AKAP19: variants seen among roughly 807,000 people sequenced by gnomAD.
The protein encoded by AKAP19 is A-kinase anchoring protein 19, also known as small A-kinase anchoring protein.
At chr2:189,958,041 G>A in the AKAP19 span, among the ~76,000 whole-genome samples, 2 of 152,060 alleles carry the variant, frequency 1.3e-5, no homozygotes, top group African/African-American at 2.4e-5. Flanking sequence ...TAATCCACTC[G>A]CCTCAGCCTC....
At chr2:190,040,716 G>A in the AKAP19 span, among the ~76,000 whole-genome samples, 3 of 152,100 alleles carry the variant, frequency 2.0e-5, no homozygotes, top group Non-Finnish European at 2.9e-5. Flanking sequence ...TAAGGAAGGG[G>A]TTCAGCTTCA....
the AKAP19 span, among the ~76,000 whole-genome samples, chr2:190,156,298 G>A: frequency 4.6e-5 from 7 of 152,108 alleles, no homozygotes; most frequent in African/African-American, 1.7e-4. Flanking sequence ...ATTGAGATAA[G>A]TTCCAGATTG....
At chr2:190,156,372 C>A in the AKAP19 span, among the ~76,000 whole-genome samples, 105 of 152,066 alleles carry the variant, frequency 6.9e-4, 1 homozygote, top group African/African-American at 2.4e-3. Context: ...TGTTGATTAA[C>A]CAAGATAGGA....
chr2:189,953,859 C>CTGCA, the AKAP19 span, among the ~76,000 whole-genome samples: 2 of 152,136 alleles, frequency 1.3e-5, no homozygotes, highest in African/African-American at 4.8e-5. Flanking sequence ...TGGAGTCCAC[C>CTGCA]TCTTAACCAC....
the AKAP19 span, among the ~76,000 whole-genome samples, chr2:190,195,940 G>GTT: frequency 2.9e-5 from 1 of 34,362 alleles, no homozygotes; most frequent in African/African-American, 6.4e-5. Context: ...ACTGTGTCCA[G>GTT]CTTTTTTTTT....
At chr2:190,009,953 G>A in the AKAP19 span, among the ~76,000 whole-genome samples, 4 of 152,118 alleles carry the variant, frequency 2.6e-5, no homozygotes, top group Non-Finnish European at 5.9e-5. Flanking sequence ...AAAAGTTGCT[G>A]TTGCAAAAAA....
the AKAP19 span, among the ~76,000 whole-genome samples, chr2:189,890,933 T>G: frequency 6.6e-6 from 1 of 152,234 alleles, no homozygotes; most frequent in Non-Finnish European, 1.5e-5. Flanking sequence ...GTTAATATTA[T>G]GTGTGAATTT....
chr2:190,173,124 A>T, the AKAP19 span, among the ~76,000 whole-genome samples: 1 of 151,822 alleles, frequency 6.6e-6, no homozygotes, highest in East Asian at 1.9e-4. Flanking sequence ...CAAAAAAAAT[A>T]AAATAAAATA....
At chr2:190,141,448 A>G in the AKAP19 span, among the ~76,000 whole-genome samples, 5 of 152,212 alleles carry the variant, frequency 3.3e-5, no homozygotes, top group African/African-American at 4.8e-5. Flanking sequence ...ACAATTCTGC[A>G]GGGCTGGGGA....
chr2:189,997,563 G>A, the AKAP19 span, among the ~76,000 whole-genome samples: 1 of 152,138 alleles, frequency 6.6e-6, no homozygotes, highest in Non-Finnish European at 1.5e-5. Context: ...AGCCAGTAGT[G>A]ATAGGCCTCA....
At chr2:190,059,323 A>G in the AKAP19 span, among the ~76,000 whole-genome samples, 1 of 151,950 alleles carries the variant, frequency 6.6e-6, no homozygotes, top group African/African-American at 2.4e-5. Context: ...GTGATATATA[A>G]GGTATTGTCA....
chr2:190,147,981 A>G, the AKAP19 span, among the ~76,000 whole-genome samples: 2 of 152,144 alleles, frequency 1.3e-5, no homozygotes, highest in South Asian at 2.1e-4. Context: ...CTCTTTACCA[A>G]CGTGGATGCC....
the AKAP19 span, among the ~76,000 whole-genome samples, chr2:189,992,201 A>AC: frequency 0.05 from 7,560 of 151,428 alleles, 284 homozygotes; most frequent in Non-Finnish European, 0.068. Flanking sequence ...GATTACAGGC[A>AC]CCCCCCACCA....
chr2:189,926,799 G>T, the AKAP19 span, among the ~76,000 whole-genome samples: 1 of 151,660 alleles, frequency 6.6e-6, no homozygotes, highest in Non-Finnish European at 1.5e-5. Context: ...TAGCCAGGAT[G>T]GTCTCGATTT....
the AKAP19 span, among the ~76,000 whole-genome samples, chr2:189,952,114 A>C: frequency 6.6e-6 from 1 of 152,078 alleles, no homozygotes; most frequent in East Asian, 1.9e-4. Flanking sequence ...ACAATTTATC[A>C]TTCTTTGTTT....
At chr2:190,145,072 C>A in the AKAP19 span, among the ~76,000 whole-genome samples, 2 of 152,118 alleles carry the variant, frequency 1.3e-5, no homozygotes, top group African/African-American at 4.8e-5. Flanking sequence ...ATTGCTTGAG[C>A]CCAGGAGTTC....
the AKAP19 span, among the ~76,000 whole-genome samples, chr2:189,995,792 T>C: frequency 6.6e-6 from 1 of 152,170 alleles, no homozygotes; most frequent in Non-Finnish European, 1.5e-5. Flanking sequence ...AGAACTCCTT[T>C]TAGCATTTCT....
At chr2:189,900,178 C>T in the AKAP19 span, among the ~76,000 whole-genome samples, 42 of 151,974 alleles carry the variant, frequency 2.8e-4, no homozygotes, top group African/African-American at 9.9e-4. Context: ...AGTTTGTTTC[C>T]AATATTTTTA....
At chr2:189,991,469 A>G in the AKAP19 span, among the ~76,000 whole-genome samples, 2 of 152,038 alleles carry the variant, frequency 1.3e-5, no homozygotes, top group Admixed American at 1.3e-4. Flanking sequence ...ATTTTTTCAT[A>G]TGTTTGTTGG....
Sources: gnomAD v4.1 joint callset for allele counts (sites outside exome capture counted in the v4.1 genomes callset) on GRCh38, gnomAD v4.1.1 for gene constraint, MANE v1.5 for transcripts, NCBI Gene and HGNC (gene_info 2026-07-23, HGNC 2026-07-21) for gene names.